RSAD2: variants seen among roughly 807,000 people sequenced by gnomAD.
The protein encoded by RSAD2 is radical S-adenosyl methionine domain containing 2.
Under a neutral mutation model 37.7 loss-of-function variants are expected in RSAD2, and 38 were observed. The observed-to-expected ratio is 1.01, with a 90% CI of 0.78 to 1.32. The LOEUF (loss-of-function observed/expected upper bound fraction) is 1.32. Among genes scored for constraint, RSAD2 ranks in the 40% most tolerant of loss-of-function variants. The pLI is 0.00. For synonymous variants in RSAD2, 163 were observed against 157.4 expected (o/e 1.04, Z -0.27); for missense variants, 428 against 437.5 (o/e 0.98, Z 0.19).
In RSAD2 at chr2:6,866,623, A is replaced by G. The variant is rs1663098037; in HGVS notation, c.142+578A>G. 3 of 186,920 alleles carry G rather than the reference A, an allele frequency of 1.6e-5. 1 individual carries two copies. The highest frequency in any genetic ancestry group is 3.0e-5 in the Non-Finnish European group (3 of 99,714). The allele number at this position is 186,920 out of a possible 1,614,324, so 11.6% of individuals were successfully genotyped here. A position where few individuals can be genotyped will look rare whatever the true frequency, so the allele number is the denominator to read the frequency against. On this transcript the variant is annotated intron_variant, in intron 1 of 5. Transcript: ENST00000442639. Reference sequence around the variant, plus strand: ...AGCATCAGCACTGTTGCTGCCTAACAGTGTAACTGCCTAACAGTGTAACAG... The same window carrying G: ...AGCATCAGCACTGTTGCTGCCTAACGGTGTAACTGCCTAACAGTGTAACAG...
intron 1 of RSAD2, among the ~76,000 whole-genome samples, chr2:6,870,583 C>T (rs1254782977): frequency 6.6e-6 from 1 of 152,144 alleles, no homozygotes; most frequent in African/African-American, 2.4e-5. Context: ...CTTCTTTTAG[C>T]CATGGGCTTG....
chr2:6,872,812 A>T (rs1184321114), upstream of RSAD2, among the ~76,000 whole-genome samples: 1 of 152,214 alleles, frequency 6.6e-6, no homozygotes, highest in East Asian at 1.9e-4. Context: ...AAATACACTG[A>T]TACAGAACTT....
chr2:6,879,648 C>A (rs965166206), intron 1 of RSAD2, among the ~76,000 whole-genome samples: 12 of 151,546 alleles, frequency 7.9e-5, no homozygotes, highest in Non-Finnish European at 1.8e-4. Flanking sequence ...TGTCTTGCAG[C>A]TTTTTAAAAT....
At chr2:6,883,666 C>G in intron 2 of RSAD2, 134 bp downstream of exon 2, 1 of 973,594 alleles carries the variant, frequency 1.0e-6, no homozygotes, top group Non-Finnish European at 1.5e-6. Context: ...ATCTTGCTTA[C>G]TCTAATTGCT....
chr2:6,866,459 C>T (rs533735990), intron 1 of RSAD2: 2 of 985,722 alleles, frequency 2.0e-6, no homozygotes, highest in South Asian at 4.7e-5. Flanking sequence ...CTTGGAATTG[C>T]CCTCTCCCTT....
intron 4 of RSAD2, 135 bp from the exon 5 acceptor site, chr2:6,893,536 T>A: frequency 1.4e-6 from 1 of 724,678 alleles, no homozygotes; most frequent in Non-Finnish European, 2.5e-6. Context: ...GTGAGGGCCA[T>A]GCCAAAGGCA....
At chr2:6,894,816 T>C (rs967285337) in intron 5 of RSAD2, among the ~76,000 whole-genome samples, 5 of 152,254 alleles carry the variant, frequency 3.3e-5, no homozygotes, top group Non-Finnish European at 7.3e-5. Flanking sequence ...ATATAAGCTT[T>C]CTTAATAGAG....
chr2:6,893,224 A>G (rs1663666220), intron 4 of RSAD2, among the ~76,000 whole-genome samples: 1 of 137,352 alleles, frequency 7.3e-6, no homozygotes, highest in African/African-American at 2.6e-5. Context: ...TTAGGGTAAT[A>G]ATAAAATCCT....
In RSAD2 at chr2:6,879,361, T is replaced by C. The variant is rs550772221; in HGVS notation, c.346+1215T>C. 2.0e-5 allele frequency among the ~76,000 whole-genome samples: 3 copies of C among 152,280 alleles called. 1 individual carries two copies. In the South Asian group the frequency reaches 6.2e-4, roughly 32 times the overall value. On this transcript the variant is annotated intron_variant, in intron 1 of 5. Coordinates refer to ENST00000382040, the MANE Select transcript of RSAD2 (RefSeq NM_080657.5). The stretch of plus-strand genomic sequence containing the variant: ...CTCCTAACTCTCCTTCTTATGAGCA[T>C]CGTTGTCAAGGCCCCTGGCAAGCTC...
intron 3 of RSAD2, among the ~76,000 whole-genome samples, chr2:6,889,553 G>T (rs1315101407): frequency 3.3e-5 from 5 of 152,044 alleles, no homozygotes; most frequent in Non-Finnish European, 7.4e-5. Context: ...CTCTGTGTTG[G>T]GTTGGCTGTC....
Position 6,877,914 on chromosome 2 carries a change from C to T in RSAD2, c.114C>T (p.Thr38=), listed in dbSNP as rs756642313. 3.7e-6 allele frequency: 6 copies of T among 1,613,976 alleles called. No homozygotes were observed. The highest frequency in any genetic ancestry group is 5.1e-6 in the Non-Finnish European group (6 of 1,180,018). ...CGCTGTTCTGCTGGCTGAGGGCAAC[C>T]TTCTGGCTGCTAGCTACCAAGAGGA... is the stretch of plus-strand genomic sequence containing the variant. ...LVPLFCWLRA[T]FWLLATKRRK... Residue 38 remains threonine, a synonymous_variant, in exon 1 of 6, where the codon ACC becomes ACT. Coordinates refer to ENST00000382040, the MANE Select transcript of RSAD2 (RefSeq NM_080657.5).
At chr2:6,868,032 C>A (rs1295819775) in intron 1 of RSAD2, among the ~76,000 whole-genome samples, 1 of 152,170 alleles carries the variant, frequency 6.6e-6, no homozygotes, top group East Asian at 1.9e-4. Flanking sequence ...TGTAGCCACC[C>A]ATCGTTGCAG....
chr2:6,891,756 ACT>A (rs998976472), intron 4 of RSAD2, among the ~76,000 whole-genome samples: 2 of 152,132 alleles, frequency 1.3e-5, no homozygotes, highest in African/African-American at 2.4e-5. Flanking sequence ...ACAGAGCGAG[ACT>A]CTGTCTCAAA....
At chr2:6,891,527 G>A (rs6748514) in intron 4 of RSAD2, among the ~76,000 whole-genome samples, 7 of 152,200 alleles carry the variant, frequency 4.6e-5, no homozygotes, top group African/African-American at 1.2e-4. Flanking sequence ...CAGCACTTTG[G>A]GGGGCTGAGA....
chr2:6,896,164 CTTG>C lies in RSAD2; in HGVS notation c.*228_*230del, dbSNP rs890198193. 4.4e-6 allele frequency: 2 copies of C among 449,776 alleles called. No homozygotes were observed. Among genetic ancestry groups the C allele is most frequent in the East Asian group, 3.3e-5 (1 of 30,352 alleles). The allele number at this position is 449,776 out of a possible 1,614,324, so 27.9% of individuals were successfully genotyped here. The stretch of plus-strand genomic sequence containing the variant: ...TAACTTTACTTCATTGGCTTATAAC[CTTG>C]TTGTTATTGAAACAGCACTTCTGTT... On this transcript the variant is annotated 3_prime_UTR_variant, in exon 6 of 6. Coordinates refer to ENST00000382040, the MANE Select transcript of RSAD2 (RefSeq NM_080657.5).
chr2:6,890,887 G>A (rs1043384154), intron 4 of RSAD2, among the ~76,000 whole-genome samples: 1 of 152,066 alleles, frequency 6.6e-6, no homozygotes, highest in African/African-American at 2.4e-5. Flanking sequence ...ACACTGTGGA[G>A]CTTCAGGTAT....
rs1216930525 is a variant in RSAD2, at chr2:6,896,704, GTGGCTGTTCCATGAATGC to G, written c.*768_*785del. Reference sequence around the variant, plus strand: ...ACGGTGTGGTGCAGCCCAGCCCACGGTGGCTGTTCCATGAATGCTGGCTACCTATGTGTGTGGTACCTG... The same window carrying G: ...ACGGTGTGGTGCAGCCCAGCCCACGGTGGCTACCTATGTGTGTGGTACCTG... On this transcript the variant is annotated 3_prime_UTR_variant, in exon 6 of 6. Coordinates refer to ENST00000382040, the MANE Select transcript of RSAD2 (RefSeq NM_080657.5). 1 of 152,156 alleles carries G rather than the reference GTGGCTGTTCCATGAATGC, an allele frequency of 6.6e-6. No individual in the cohort carries two copies. Among genetic ancestry groups the G allele is most frequent in the African/African-American group, 2.4e-5 (1 of 41,438 alleles). The allele number at this position is 152,156 out of a possible 1,614,324, so 9.4% of individuals were successfully genotyped here. A position where few individuals can be genotyped will look rare whatever the true frequency, so the allele number is the denominator to read the frequency against.
At chr2:6,871,129 T>G (rs190648934) in intron 1 of RSAD2, among the ~76,000 whole-genome samples, 12 of 152,344 alleles carry the variant, frequency 7.9e-5, no homozygotes, top group Admixed American at 5.2e-4. Context: ...AAGGCAGTCA[T>G]CATCTCTCTT....
In RSAD2 at chr2:6,895,796, A is replaced by T. The variant is rs1267925363; in HGVS notation, c.940A>T (p.Arg314Ter). The change falls in exon 6 of 6, where the codon AGA becomes TGA. Residue 314 changes from arginine (R) to a stop codon, truncating the protein, a stop_gained. Coordinates refer to ENST00000382040, the MANE Select transcript of RSAD2 (RefSeq NM_080657.5). LOFTEE classifies it high-confidence loss of function. ...TTTCTAGATGCGCTTTCTGAACTGT[A>T]GAAAGGGACGGAAGGACCCTTCCAA... ...LDEYMRFLNCRKGRKDPSKSI... is the reference protein window; with the variant it reads ...LDEYMRFLNC 2 of 1,613,958 alleles carry T rather than the reference A, an allele frequency of 1.2e-6. No individual in the cohort carries two copies. The highest frequency in any genetic ancestry group is 2.2e-5 in the South Asian group (2 of 91,066).
Sources: allele counts gnomAD v4.1 joint callset (sites outside exome capture counted in the v4.1 genomes callset), GRCh38; gene constraint gnomAD v4.1.1; transcripts MANE v1.5; gene names NCBI Gene and HGNC (gene_info 2026-07-23, HGNC 2026-07-21).